TESK2: variants seen among roughly 807,000 people sequenced by gnomAD.
TESK2 encodes the protein dual specificity testis-specific protein kinase 2.
TESK2 carries 39 observed loss-of-function variants against 57.1 expected under a neutral mutation model. The observed-to-expected ratio is 0.68, with a 90% CI of 0.53 to 0.89. The LOEUF (loss-of-function observed/expected upper bound fraction) is 0.89. Ranked by LOEUF, TESK2 falls within the 40% of genes least tolerant of loss-of-function variation. The probability of loss-of-function intolerance (pLI) is 0.00; values close to 1 mark genes in which losing one functional copy is unlikely to be tolerated. For missense variants in TESK2, 646 were observed against 732.1 expected (o/e 0.88, Z 1.36); for synonymous variants, 249 against 267.9 (o/e 0.93, Z 0.69).
chr1:45,476,030 C>T (rs776877040), intron 1 of TESK2, among the ~76,000 whole-genome samples: 117 of 152,198 alleles, frequency 7.7e-4, no homozygotes, highest in Non-Finnish European at 1.4e-3. Flanking sequence ...CCTTGCTCCT[C>T]AACTTGCAGA....
chr1:45,368,961 G>A (rs1203768877), intron 4 of TESK2, among the ~76,000 whole-genome samples: 1 of 151,226 alleles, frequency 6.6e-6, no homozygotes, highest in African/African-American at 2.4e-5. Context: ...CACCATGTTG[G>A]TCAGGCTGGT....
At chr1:45,468,246 A>G (rs1398651332) in intron 1 of TESK2, among the ~76,000 whole-genome samples, 2 of 152,164 alleles carry the variant, frequency 1.3e-5, no homozygotes, top group East Asian at 1.9e-4. Flanking sequence ...ATCACATGCT[A>G]AAGTAATACT....
chr1:45,388,070 C>G (rs906557963), intron 3 of TESK2, among the ~76,000 whole-genome samples: 1 of 152,028 alleles, frequency 6.6e-6, no homozygotes. Context: ...TCATTTTTCT[C>G]TAAATGTTCA....
intron 1 of TESK2, among the ~76,000 whole-genome samples, chr1:45,482,594 A>G (rs1029824480): frequency 9.9e-5 from 10 of 100,972 alleles, no homozygotes; most frequent in African/African-American, 4.4e-4. Context: ...AGTAGTGGTC[A>G]GCCATTAAAA....
At chr1:45,358,006 TAAAAA>T (rs760610185) in intron 4 of TESK2, among the ~76,000 whole-genome samples, 10 of 24,232 alleles carry the variant, frequency 4.1e-4, no homozygotes, top group African/African-American at 1.2e-3. Context: ...AAACTCCGTC[TAAAAA>T]AAAAAAAAAA....
chr1:45,479,452 C>T (rs1352869587), intron 1 of TESK2, among the ~76,000 whole-genome samples: 13 of 150,772 alleles, frequency 8.6e-5, no homozygotes, highest in South Asian at 8.4e-4. Context: ...TTTTTGGAGA[C>T]GGAGTTTTTG....
At chr1:45,403,245 A>G (rs563013882) in intron 3 of TESK2, among the ~76,000 whole-genome samples, 48 of 151,854 alleles carry the variant, frequency 3.2e-4, no homozygotes, top group Admixed American at 2.5e-3. Flanking sequence ...AAAAAAAAAA[A>G]AAAGAAAGAA....
At chr1:45,479,316 C>A (rs1179492733) in intron 1 of TESK2, among the ~76,000 whole-genome samples, 1 of 152,002 alleles carries the variant, frequency 6.6e-6, no homozygotes, top group Non-Finnish European at 1.5e-5. Flanking sequence ...TTATGATTTC[C>A]ATAGTGAAAT....
At chr1:45,482,747 A>AG (rs35383618) in intron 1 of TESK2, among the ~76,000 whole-genome samples, 13 of 151,842 alleles carry the variant, frequency 8.6e-5, no homozygotes, top group Admixed American at 3.3e-4. Flanking sequence ...TGGGAGGCCA[A>AG]GGGGGGTGGA....
chr1:45,388,021 T>C lies in TESK2; in HGVS notation c.345-2061A>G, dbSNP rs183911187. Among the ~76,000 whole-genome samples, 379 of 152,156 alleles carry C rather than the reference T, an allele frequency of 2.5e-3. 5 individuals are homozygous for C. Among genetic ancestry groups the C allele is most frequent in the African/African-American group, 8.8e-3 (366 of 41,536 alleles). On this transcript the variant is annotated intron_variant, in intron 3 of 10. Coordinates refer to ENST00000372086, the MANE Select transcript of TESK2 (RefSeq NM_007170.3). Reference sequence around the variant, plus strand: ...AAACTCTGCCTCAAAAATAAATAAATTGATTAATTAATTAATAATAAAAAT... The same window carrying C: ...AAACTCTGCCTCAAAAATAAATAAACTGATTAATTAATTAATAATAAAAAT...
chr1:45,422,100 G>A (rs1292340250), intron 2 of TESK2, among the ~76,000 whole-genome samples: 1 of 152,144 alleles, frequency 6.6e-6, no homozygotes, highest in Non-Finnish European at 1.5e-5. Context: ...ATACACCATG[G>A]AATACTATGC....
chr1:45,443,920 C>A (rs539186534), intron 2 of TESK2, among the ~76,000 whole-genome samples: 1 of 151,928 alleles, frequency 6.6e-6, no homozygotes, highest in Non-Finnish European at 1.5e-5. Context: ...GGCTCATGCC[C>A]GTAATCTCAA....
chr1:45,466,866 ATTTATT>A (rs1161248694), intron 1 of TESK2, among the ~76,000 whole-genome samples: 1 of 151,870 alleles, frequency 6.6e-6, no homozygotes, highest in East Asian at 1.9e-4. Context: ...TACATTTTAT[ATTTATT>A]AACTCATTTA....
chr1:45,395,770 G>A (rs1387525957), intron 3 of TESK2, among the ~76,000 whole-genome samples: 7 of 151,656 alleles, frequency 4.6e-5, no homozygotes, highest in Non-Finnish European at 8.8e-5. Context: ...ACCATGCCCA[G>A]CCTATATCAC....
At chr1:45,431,900 G>A (rs1014260680) in intron 2 of TESK2, among the ~76,000 whole-genome samples, 1 of 152,102 alleles carries the variant, frequency 6.6e-6, no homozygotes, top group Non-Finnish European at 1.5e-5. Flanking sequence ...TACATGTTAA[G>A]GAATTGCAAG....
intron 4 of TESK2, among the ~76,000 whole-genome samples, chr1:45,364,525 T>C (rs1647826902): frequency 6.6e-6 from 1 of 152,336 alleles, no homozygotes; most frequent in South Asian, 2.1e-4. Context: ...AACTCTGAGA[T>C]AATAAGTTTC....
chr1:45,449,769 GT>G (rs1226982183), intron 2 of TESK2, among the ~76,000 whole-genome samples: 10 of 152,134 alleles, frequency 6.6e-5, no homozygotes, highest in Non-Finnish European at 1.2e-4. Context: ...GTAGTAGACA[GT>G]TTTTTATGCT....
chr1:45,436,257 T>C (rs1441309618), intron 2 of TESK2, among the ~76,000 whole-genome samples: 2 of 133,434 alleles, frequency 1.5e-5, no homozygotes, highest in Admixed American at 1.8e-4. Context: ...TGATCTCGGT[T>C]CACTGCAACC....
chr1:45,386,345 C>CAAAAAA (rs11314981), intron 3 of TESK2, among the ~76,000 whole-genome samples: 7 of 45,948 alleles, frequency 1.5e-4, no homozygotes, highest in Non-Finnish European at 2.5e-4. Flanking sequence ...GACTTTGACT[C>CAAAAAA]AAAAAAAAAA....
Sources: gnomAD v4.1 joint callset for allele counts (sites outside exome capture counted in the v4.1 genomes callset) on GRCh38, gnomAD v4.1.1 for gene constraint, MANE v1.5 for transcripts, NCBI Gene and HGNC (gene_info 2026-07-23, HGNC 2026-07-21) for gene names.